The following CRTAC1 variants were observed in gnomAD, a reference collection of about 807,000 sequenced individuals.
CRTAC1 encodes the protein acidic secreted protein in cartilage.
CRTAC1 carries 37 observed loss-of-function variants against 67.8 expected under a neutral mutation model. The ratio of observed to expected loss-of-function variants is 0.55; its 90% CI spans 0.42 to 0.72. The LOEUF is 0.72. CRTAC1 is among the 30% of genes least tolerant of loss of function. CRTAC1 has a pLI of 0.00. For missense variants in CRTAC1, 780 were observed against 931.6 expected (o/e 0.84, Z 2.12); for synonymous variants, 348 against 371.0 (o/e 0.94, Z 0.71).
intron 2 of CRTAC1, among the ~76,000 whole-genome samples, chr10:97,945,629 G>A (rs1419385502): frequency 4.6e-5 from 7 of 152,166 alleles, no homozygotes; most frequent in African/African-American, 1.7e-4. Context: ...TGAGAAATCT[G>A]GGGCAGGGTT....
At chr10:98,007,475 A>G (rs1367123206) in intron 2 of CRTAC1, among the ~76,000 whole-genome samples, 3 of 152,222 alleles carry the variant, frequency 2.0e-5, no homozygotes, top group Non-Finnish European at 4.4e-5. Flanking sequence ...GAGAATTCGC[A>G]ATGCTTCACA....
At chr10:97,926,783 G>C (rs935173850) in intron 3 of CRTAC1, among the ~76,000 whole-genome samples, 4 of 152,174 alleles carry the variant, frequency 2.6e-5, no homozygotes, top group Non-Finnish European at 5.9e-5. Context: ...CAGGGCTCTC[G>C]AGAAGGGACT....
intron 1 of CRTAC1, among the ~76,000 whole-genome samples, chr10:98,021,922 C>A (rs777993042): frequency 2.0e-5 from 3 of 152,158 alleles, no homozygotes; most frequent in Non-Finnish European, 2.9e-5. Context: ...CTATGCTATA[C>A]ACATTAATTC....
intron 2 of CRTAC1, among the ~76,000 whole-genome samples, chr10:97,947,767 T>C (rs2051286991): frequency 6.6e-6 from 1 of 152,108 alleles, no homozygotes; most frequent in African/African-American, 2.4e-5. Context: ...GATTTATATT[T>C]TCTGGGTCAG....
chr10:98,023,904 T>C (rs113031310), intron 1 of CRTAC1, among the ~76,000 whole-genome samples: 9 of 152,302 alleles, frequency 5.9e-5, no homozygotes, highest in African/African-American at 2.2e-4. Flanking sequence ...TCAGACCTCA[T>C]GTGAAAAACA....
At chr10:97,909,602 G>A (rs1015804710) in intron 5 of CRTAC1, among the ~76,000 whole-genome samples, 1 of 152,102 alleles carries the variant, frequency 6.6e-6, no homozygotes, top group Non-Finnish European at 1.5e-5. Context: ...TATACTGTTG[G>A]TGGGAATGTA....
intron 5 of CRTAC1, among the ~76,000 whole-genome samples, chr10:97,913,856 C>G (rs2136583002): frequency 6.6e-6 from 1 of 152,342 alleles, no homozygotes; most frequent in Non-Finnish European, 1.5e-5. Flanking sequence ...GTTGAGCTCA[C>G]TGGTGAGGAT....
intron 2 of CRTAC1, among the ~76,000 whole-genome samples, chr10:97,939,675 T>C (rs2051142866): frequency 6.6e-6 from 1 of 152,036 alleles, no homozygotes; most frequent in Non-Finnish European, 1.5e-5. Context: ...CCCCGCTTCT[T>C]CTTGAGGCTG....
chr10:98,004,676 G>A (rs1002836478), intron 2 of CRTAC1, among the ~76,000 whole-genome samples: 2 of 151,708 alleles, frequency 1.3e-5, no homozygotes, highest in Non-Finnish European at 2.9e-5. Flanking sequence ...TTGAGGAATG[G>A]CAAAATGAAT....
chr10:97,932,595 T>A (rs1354995522), intron 3 of CRTAC1, among the ~76,000 whole-genome samples: 1 of 151,948 alleles, frequency 6.6e-6, no homozygotes, highest in African/African-American at 2.4e-5. Flanking sequence ...GGGGCCTGAA[T>A]GAAGGAGTGA....
intron 2 of CRTAC1, among the ~76,000 whole-genome samples, chr10:97,970,542 G>A (rs2051691619): frequency 6.6e-6 from 1 of 152,180 alleles, no homozygotes; most frequent in African/African-American, 2.4e-5. Context: ...AGGCTACCGT[G>A]TTCCTGCCTC....
intron 14 of CRTAC1, chr10:97,866,302 G>C (rs1436285919): frequency 6.6e-6 from 1 of 152,268 alleles, no homozygotes; most frequent in Non-Finnish European, 1.5e-5. Flanking sequence ...TGGCTTTCCT[G>C]TCCTGCATTC....
intron 2 of CRTAC1, among the ~76,000 whole-genome samples, chr10:98,004,418 G>C (rs1842746092): frequency 6.6e-6 from 1 of 152,184 alleles, no homozygotes; most frequent in African/African-American, 2.4e-5. Flanking sequence ...CACACAGTAG[G>C]TGCTTGAATA....
intron 4 of CRTAC1, among the ~76,000 whole-genome samples, chr10:97,919,638 G>T (rs1283540412): frequency 6.6e-6 from 1 of 152,000 alleles, no homozygotes; most frequent in Non-Finnish European, 1.5e-5. Context: ...TGACCTCTGG[G>T]ATCATGTTTG....
chr10:98,008,432 G>A (rs1377957119), intron 2 of CRTAC1, among the ~76,000 whole-genome samples: 1 of 151,820 alleles, frequency 6.6e-6, no homozygotes, highest in Non-Finnish European at 1.5e-5. Context: ...GGGTGGGGTG[G>A]GGGGGCACCC....
chr10:97,995,785 G>A (rs573362364), intron 2 of CRTAC1, among the ~76,000 whole-genome samples: 203 of 152,234 alleles, frequency 1.3e-3, no homozygotes, highest in Middle Eastern at 6.8e-3. Context: ...ACATTAAGCC[G>A]GGACACTTGG....
intron 2 of CRTAC1, among the ~76,000 whole-genome samples, chr10:97,943,449 T>C (rs994161113): frequency 1.3e-5 from 2 of 152,360 alleles, no homozygotes; most frequent in Admixed American, 6.5e-5. Context: ...GATATGATCA[T>C]AGAGAAATAA....
At chr10:97,950,673 C>G (rs1264596651) in intron 2 of CRTAC1, among the ~76,000 whole-genome samples, 2 of 152,208 alleles carry the variant, frequency 1.3e-5, no homozygotes, top group Non-Finnish European at 2.9e-5. Context: ...TGAGCTCTTG[C>G]TGGTCACCGC....
intron 2 of CRTAC1, among the ~76,000 whole-genome samples, chr10:98,006,374 C>G (rs1050346244): frequency 2.6e-5 from 4 of 152,200 alleles, no homozygotes; most frequent in African/African-American, 9.7e-5. Context: ...CAATCATGCA[C>G]CTGCTGGTTA....
Sources: allele counts gnomAD v4.1 joint callset (sites outside exome capture counted in the v4.1 genomes callset), GRCh38; gene constraint gnomAD v4.1.1; transcripts MANE v1.5; gene names NCBI Gene and HGNC (gene_info 2026-07-23, HGNC 2026-07-21).